Variants in FAT3 observed in about 807,000 individuals in gnomAD.
The protein encoded by FAT3 is protocadherin Fat 3.
In FAT3, 95 loss-of-function variants were observed where a neutral mutation model predicts 310.2. The observed-to-expected ratio is 0.31, with a 90% CI of 0.26 to 0.36. The LOEUF (loss-of-function observed/expected upper bound fraction) is 0.36, where lower values mean the gene tolerates loss of function less well. Ranked by LOEUF, FAT3 falls within the 10% of genes least tolerant of loss-of-function variation. FAT3 has a pLI of 1.00. For missense variants in FAT3, 5,408 were observed against 5,715.6 expected, an observed-to-expected ratio of 0.95 and a Z score of 1.74; for synonymous variants, 2,314 against 2,192.9, an observed-to-expected ratio of 1.06 and a Z score of -1.54.
chr11:92,245,870 A>C (rs957299931), intron 1 of FAT3, among the ~76,000 whole-genome samples: 4 of 152,168 alleles, frequency 2.6e-5, no homozygotes, highest in African/African-American at 9.6e-5. Context: ...AGAAATGGGC[A>C]GAGGAAAAGG....
At chr11:92,736,736 C>G (rs1489030007) in intron 4 of FAT3, among the ~76,000 whole-genome samples, 3 of 152,124 alleles carry the variant, frequency 2.0e-5, no homozygotes, top group African/African-American at 4.8e-5. Context: ...CACCTATACT[C>G]TTTTGAAAAG....
intron 17 of FAT3, among the ~76,000 whole-genome samples, chr11:92,840,098 TC>T (rs1184853146): frequency 6.6e-6 from 1 of 152,018 alleles, no homozygotes; most frequent in Non-Finnish European, 1.5e-5. Flanking sequence ...TGCCAGGATG[TC>T]CCCCCAAAAA....
At chr11:92,400,116 G>T (rs538394284) in intron 2 of FAT3, 1 of 152,106 alleles carries the variant, frequency 6.6e-6, no homozygotes, top group Non-Finnish European at 1.5e-5. Flanking sequence ...TATTAACGTG[G>T]GTGACTTTTT....
intron 8 of FAT3, among the ~76,000 whole-genome samples, chr11:92,792,007 G>A (rs1290234639): frequency 6.6e-6 from 1 of 152,192 alleles, no homozygotes; most frequent in Non-Finnish European, 1.5e-5. Context: ...CCGATGGTCA[G>A]GGTTCTCTCA....
intron 3 of FAT3, among the ~76,000 whole-genome samples, chr11:92,578,707 C>T (rs1945518): frequency 0.74 from 112,773 of 152,052 alleles, 44,092 homozygotes; most frequent in Non-Finnish European, 0.88. Context: ...ATATAATCTT[C>T]CTAGGCCTCA....
intron 3 of FAT3, among the ~76,000 whole-genome samples, chr11:92,605,717 A>ATG (rs1177509081): frequency 1.1e-5 from 1 of 89,588 alleles, no homozygotes; most frequent in Non-Finnish European, 2.1e-5. Context: ...TAAAATAGCT[A>ATG]TGTTTTTTTT....
chr11:92,524,686 G>C lies in FAT3; in HGVS notation c.3345G>C (p.Trp1115Cys). Residue 1115 changes from tryptophan to cysteine, a missense_variant, in exon 3 of 28, where the codon TGG becomes TGC. This residue lies in a region of FAT3 where 4,588 missense variants were observed against 4,809.8 expected (regional missense o/e 0.95). Transcript: ENST00000525166. Reference protein sequence around the residue: ...ILDRETMGSYWLTVYATDRGV... With the variant: ...ILDRETMGSYCLTVYATDRGV... The stretch of plus-strand genomic sequence containing the variant: ...ATCGGGAGACAATGGGGTCATACTG[G>C]CTAACAGTGTATGCCACAGACAGGG... 2.5e-6 allele frequency: 4 copies of C among 1,613,816 alleles called. No homozygotes were observed. The highest frequency in any genetic ancestry group is 3.4e-6 in the Non-Finnish European group (4 of 1,179,824).
chr11:92,718,652 C>T (rs1235385181), intron 4 of FAT3, among the ~76,000 whole-genome samples: 1 of 152,130 alleles, frequency 6.6e-6, no homozygotes, highest in Non-Finnish European at 1.5e-5. Flanking sequence ...CCTCTCCATC[C>T]TCTACAGTAA....
In FAT3 at chr11:92,867,108, T is replaced by C. The variant is rs1253752036; in HGVS notation, c.12026T>C (p.Val4009Ala). The C allele has an allele frequency of 6.2e-7, 1 of 1,602,026 alleles. No homozygotes were observed. The highest frequency in any genetic ancestry group is 8.5e-7 in the Non-Finnish European group (1 of 1,174,990). ...QNKRSSFAEVVGLTELKLGCV... is the reference protein window; with the variant it reads ...QNKRSSFAEVAGLTELKLGCV... ...AAGCGCAGCAGCTTCGCGGAGGTGG[T>C]GGGCCTGACGGAGCTGAAGCTGGGC... The change falls in exon 22 of 28, where the codon GTG becomes GCG. Residue 4009 changes from valine (V) to alanine (A), a missense_variant. Physicochemically the swap from Val to Ala is moderately conservative, Grantham distance 64. Around this residue, in one of 5 missense-constraint regions of FAT3, gnomAD observed 4,588 missense variants for 4,809.8 expected, o/e 0.95. Coordinates refer to ENST00000525166, the MANE Select transcript of FAT3 (RefSeq NM_001367949.2).
At chr11:92,350,852 C>A (rs959832953) in intron 1 of FAT3, among the ~76,000 whole-genome samples, 2 of 152,114 alleles carry the variant, frequency 1.3e-5, no homozygotes, top group East Asian at 3.9e-4. Context: ...TTCACGTTCC[C>A]TGTAAAGGAA....
intron 22 of FAT3, among the ~76,000 whole-genome samples, chr11:92,876,667 T>C (rs1350542390): frequency 6.6e-6 from 1 of 152,212 alleles, no homozygotes; most frequent in Non-Finnish European, 1.5e-5. Flanking sequence ...TGGAAATATA[T>C]AGATTGCTCT....
chr11:92,442,111 A>ATTTT (rs869097021), intron 2 of FAT3, among the ~76,000 whole-genome samples: 4 of 45,220 alleles, frequency 8.8e-5, no homozygotes, highest in African/African-American at 3.7e-4. Context: ...ATATATATAT[A>ATTTT]TTTTTTTTTT....
chr11:92,630,301 C>G (rs1337344301), intron 3 of FAT3, among the ~76,000 whole-genome samples: 3 of 152,140 alleles, frequency 2.0e-5, no homozygotes, highest in African/African-American at 7.2e-5. Context: ...TACTCTGTAA[C>G]TGTTGGTTTT....
chr11:92,456,829 G>T (rs1951505952), intron 2 of FAT3, among the ~76,000 whole-genome samples: 1 of 152,186 alleles, frequency 6.6e-6, no homozygotes, highest in African/African-American at 2.4e-5. Flanking sequence ...ACCGTGGCAT[G>T]TGTAAGGTCT....
chr11:92,416,601 A>G (rs1247210475), intron 2 of FAT3, among the ~76,000 whole-genome samples: 1 of 152,190 alleles, frequency 6.6e-6, no homozygotes, highest in Non-Finnish European at 1.5e-5. Flanking sequence ...CTTGGTTCAG[A>G]TTATTTCCAA....
chr11:92,288,885 T>C (rs1213401421), intron 1 of FAT3, among the ~76,000 whole-genome samples: 1 of 152,152 alleles, frequency 6.6e-6, no homozygotes, highest in Non-Finnish European at 1.5e-5. Context: ...TCTTTGGTGA[T>C]GGACAGTTAA....
At chr11:92,534,717 C>A (rs561353113) in intron 3 of FAT3, among the ~76,000 whole-genome samples, 1 of 152,040 alleles carries the variant, frequency 6.6e-6, no homozygotes, top group African/African-American at 2.4e-5. Context: ...AGGAAGACAA[C>A]GTGCAGAGAA....
At chr11:92,416,189 C>G (rs1431806297) in intron 2 of FAT3, among the ~76,000 whole-genome samples, 2 of 139,450 alleles carry the variant, frequency 1.4e-5, no homozygotes, top group African/African-American at 5.4e-5. Flanking sequence ...GCCTGGCCAA[C>G]ATGGTGAAAC....
At chr11:92,772,667 G>C (rs898328829) in intron 6 of FAT3, among the ~76,000 whole-genome samples, 1 of 151,840 alleles carries the variant, frequency 6.6e-6, no homozygotes, top group Non-Finnish European at 1.5e-5. Context: ...TGATACTCTC[G>C]TATCTCCGTA....
Sources: gnomAD v4.1 joint callset for allele counts (sites outside exome capture counted in the v4.1 genomes callset) on GRCh38, gnomAD v4.1.1 for gene constraint, gnomAD v4.1.1 regional missense constraint, MANE v1.5 for transcripts, NCBI Gene and HGNC (gene_info 2026-07-23, HGNC 2026-07-21) for gene names.